Variants in LRMDA observed in about 807,000 individuals in gnomAD.
LRMDA encodes leucine-rich melanocyte differentiation-associated protein.
A neutral mutation model predicts 29.8 loss-of-function variants in LRMDA; 18 were observed. The ratio of observed to expected loss-of-function variants is 0.60; its 90% CI spans 0.42 to 0.90. LRMDA has a LOEUF of 0.90. Among genes scored for constraint, LRMDA ranks in the 40% least tolerant of loss-of-function variants. The pLI, the probability that LRMDA is intolerant of heterozygous loss-of-function variation, is 0.00. For synonymous variants in LRMDA, 125 were observed against 109.4 expected, an observed-to-expected ratio of 1.14 and a Z score of -0.89; for missense variants, 273 against 273.9, an observed-to-expected ratio of 1.00 and a Z score of 0.02.
At chr10:76,087,623 G>T (rs1328466166) in intron 5 of LRMDA, among the ~76,000 whole-genome samples, 1 of 152,154 alleles carries the variant, frequency 6.6e-6, no homozygotes, top group Admixed American at 6.5e-5. Flanking sequence ...AGCTAAGGGG[G>T]ATGCCAGAGG....
intron 3 of LRMDA, among the ~76,000 whole-genome samples, chr10:76,038,877 G>C (rs1848296419): frequency 6.6e-6 from 1 of 152,148 alleles, no homozygotes; most frequent in Admixed American, 6.5e-5. Context: ...GTTTGGCCAG[G>C]GCTCAGCAGG....
intron 6 of LRMDA, among the ~76,000 whole-genome samples, chr10:76,452,055 A>G (rs1387703732): frequency 6.6e-6 from 1 of 152,208 alleles, no homozygotes; most frequent in East Asian, 1.9e-4. Context: ...TTGAGGAAGT[A>G]TGAAGAGAAT....
chr10:75,557,304 ACT>A (rs1840226830), intron 2 of LRMDA, among the ~76,000 whole-genome samples: 1 of 137,620 alleles, frequency 7.3e-6, no homozygotes, highest in African/African-American at 2.5e-5. Flanking sequence ...ACAGAGCGAG[ACT>A]CTGTCTCAAT....
intron 5 of LRMDA, among the ~76,000 whole-genome samples, chr10:76,215,656 A>G (rs1851715691): frequency 6.6e-6 from 1 of 152,210 alleles, no homozygotes; most frequent in Admixed American, 6.5e-5. Flanking sequence ...TTTTTCTTCT[A>G]CATCTGAAGT....
intron 2 of LRMDA, among the ~76,000 whole-genome samples, chr10:76,024,089 G>A (rs1429574201): frequency 1.3e-5 from 2 of 152,190 alleles, no homozygotes; most frequent in African/African-American, 2.4e-5. Flanking sequence ...ACTCAATGGA[G>A]TGGTCTTATG....
chr10:76,176,821 G>C lies in LRMDA; in HGVS notation c.516+118038G>C, dbSNP rs1350122910. On this transcript the variant is annotated intron_variant, in intron 5 of 6. Transcript: ENST00000611255. ...AAGAGAAAAATTATAAATTGCCAAG[G>C]TAGACCGTAACCCAAGAGGGGTTAC... is the stretch of plus-strand genomic sequence containing the variant. Among the ~76,000 whole-genome samples the C allele has an allele frequency of 3.9e-5, 6 of 152,294 alleles. No individual in the cohort carries two copies. The East Asian group carries it at 1.2e-3, about 30-fold the overall frequency.
At chr10:76,488,278 T>G (rs1842801813) in intron 6 of LRMDA, among the ~76,000 whole-genome samples, 1 of 151,872 alleles carries the variant, frequency 6.6e-6, no homozygotes, top group African/African-American at 2.4e-5. Context: ...CTTATATATA[T>G]GAGAAATTAT....
intron 6 of LRMDA, among the ~76,000 whole-genome samples, chr10:76,514,220 G>A (rs1843037459): frequency 6.6e-6 from 1 of 152,150 alleles, no homozygotes; most frequent in African/African-American, 2.4e-5. Context: ...AGCAAATGCA[G>A]CTCAAAATAC....
At chr10:76,013,027 T>G (rs1380209279) in intron 2 of LRMDA, among the ~76,000 whole-genome samples, 1 of 151,676 alleles carries the variant, frequency 6.6e-6, no homozygotes, top group African/African-American at 2.4e-5. Flanking sequence ...GGGAGACACA[T>G]AGGAAAAAAA....
At chr10:76,272,337 A>G (rs1254773465) in intron 5 of LRMDA, among the ~76,000 whole-genome samples, 2 of 152,192 alleles carry the variant, frequency 1.3e-5, no homozygotes, top group African/African-American at 2.4e-5. Context: ...TTGCTCTCAC[A>G]GTTCTCATTC....
At chr10:76,520,643 A>G (rs1476692624) in intron 6 of LRMDA, among the ~76,000 whole-genome samples, 1 of 152,184 alleles carries the variant, frequency 6.6e-6, no homozygotes, top group African/African-American at 2.4e-5. Flanking sequence ...ACGTAACCAA[A>G]GTTTTAAAAA....
intron 2 of LRMDA, among the ~76,000 whole-genome samples, chr10:75,467,956 TCACACACA>T (rs61295526): frequency 9.1e-4 from 119 of 130,058 alleles, no homozygotes; most frequent in Middle Eastern, 3.7e-3. Context: ...TGAGACTCCG[TCACACACA>T]CACACACACA....
chr10:76,347,282 T>C lies in LRMDA; in HGVS notation c.601+22797T>C, dbSNP rs1034139102. On this transcript the variant is annotated intron_variant, in intron 6 of 6. Coordinates refer to ENST00000611255, the MANE Select transcript of LRMDA (RefSeq NM_001305581.2). Reference sequence around the variant, plus strand: ...ATCCTAAAAATATTGCTTAAATACATGATGCAGCTTCTCTCCACATTGGAA... The same window carrying C: ...ATCCTAAAAATATTGCTTAAATACACGATGCAGCTTCTCTCCACATTGGAA... 2.2e-4 allele frequency among the ~76,000 whole-genome samples: 34 copies of C among 152,310 alleles called. 1 individual carries two copies. Among genetic ancestry groups the C allele is most frequent in the African/African-American group, 6.0e-4 (25 of 41,582 alleles).
At chr10:75,972,550 T>C (rs1846994623) in intron 2 of LRMDA, among the ~76,000 whole-genome samples, 2 of 151,928 alleles carry the variant, frequency 1.3e-5, no homozygotes, top group Non-Finnish European at 2.9e-5. Flanking sequence ...AATTTTCTCT[T>C]TTTTTTTACT....
At chr10:76,109,779 A>G (rs1564655114) in intron 5 of LRMDA, among the ~76,000 whole-genome samples, 1 of 152,188 alleles carries the variant, frequency 6.6e-6, no homozygotes, top group South Asian at 2.1e-4. Flanking sequence ...TTTTGCTAGT[A>G]CTATAAACCT....
intron 2 of LRMDA, among the ~76,000 whole-genome samples, chr10:75,834,443 A>G (rs1283779471): frequency 6.6e-6 from 1 of 152,022 alleles, no homozygotes; most frequent in African/African-American, 2.4e-5. Flanking sequence ...ATGGCAGTGA[A>G]CCTCCTAATT....
chr10:75,687,796 GGGGGT>G (rs1842100733), intron 2 of LRMDA, among the ~76,000 whole-genome samples: 2 of 152,166 alleles, frequency 1.3e-5, no homozygotes, highest in African/African-American at 2.4e-5. Flanking sequence ...TCTCTTTTTA[GGGGGT>G]ACTGCAGCTG....
At chr10:75,548,813 G>A (rs1840109830) in intron 2 of LRMDA, among the ~76,000 whole-genome samples, 1 of 152,126 alleles carries the variant, frequency 6.6e-6, no homozygotes, top group African/African-American at 2.4e-5. Context: ...ATGGAGCCAG[G>A]AGCTCAGTGA....
chr10:75,522,133 C>T (rs75238681), intron 2 of LRMDA, among the ~76,000 whole-genome samples: 5 of 152,290 alleles, frequency 3.3e-5, no homozygotes, highest in Non-Finnish European at 5.9e-5. Flanking sequence ...TTGAAGCAGG[C>T]GCTGTTCTAT....
Sources: allele counts gnomAD v4.1 joint callset (sites outside exome capture counted in the v4.1 genomes callset), GRCh38; gene constraint gnomAD v4.1.1; transcripts MANE v1.5; gene names NCBI Gene and HGNC (gene_info 2026-07-23, HGNC 2026-07-21).